Variants in SESN1 observed in about 807,000 individuals in gnomAD.
SESN1 encodes the protein sestrin 1.
SESN1 carries 30 observed loss-of-function variants against 59.3 expected under a neutral mutation model. The ratio of observed to expected loss-of-function variants is 0.51; its 90% CI spans 0.38 to 0.69. SESN1 has a LOEUF of 0.69. SESN1 is among the 30% of genes least tolerant of loss of function. The pLI, the probability that SESN1 is intolerant of heterozygous loss-of-function variation, is 0.00. For synonymous variants in SESN1, 197 were observed against 219.9 expected, an observed-to-expected ratio of 0.90 and a Z score of 0.92; for missense variants, 566 against 673.0, an observed-to-expected ratio of 0.84 and a Z score of 1.76.
At chr6:109,014,290 A>T (rs911345534) in intron 1 of SESN1, among the ~76,000 whole-genome samples, 2 of 152,258 alleles carry the variant, frequency 1.3e-5, no homozygotes, top group African/African-American at 4.8e-5. Context: ...TAATAAGACC[A>T]GTAATTTGTT....
chr6:109,011,623 A>T (rs569214817), intron 1 of SESN1, among the ~76,000 whole-genome samples: 22 of 149,018 alleles, frequency 1.5e-4, no homozygotes, highest in African/African-American at 5.0e-4. Flanking sequence ...TATTTTTAAA[A>T]TTTTTTTTCT....
rs759707049 is a variant in SESN1 at position 109,093,994 on chromosome 6, T to C, written c.80A>G (p.Asn27Ser). 4 of 1,614,166 alleles carry C rather than the reference T, an allele frequency of 2.5e-6. No homozygotes were observed. The East Asian group carries it at 8.9e-5, about 36-fold the overall frequency. ...DSTTRETALENIRQTILRKTE... is the reference protein window; with the variant it reads ...DSTTRETALESIRQTILRKTE... ...TTTCCTCAAAATGGTTTGCCTAATG[T>C]TTTCCAATGCTGTCTCCCTAGTAGT... The change falls in exon 1 of 10, where the codon AAC becomes AGC. Residue 27 changes from asparagine to serine, a missense_variant. Physicochemically the swap from Asn to Ser is conservative, Grantham distance 46. Coordinates refer to ENST00000436639, the MANE Select transcript of SESN1 (RefSeq NM_014454.3).
chr6:109,024,797 G>GT (rs1235398604), intron 1 of SESN1, among the ~76,000 whole-genome samples: 5 of 152,328 alleles, frequency 3.3e-5, no homozygotes, highest in African/African-American at 1.2e-4. Context: ...GCCCAGCATT[G>GT]TGAGTATCGT....
intron 1 of SESN1, among the ~76,000 whole-genome samples, chr6:109,069,862 C>T (rs954302344): frequency 3.3e-5 from 5 of 152,030 alleles, no homozygotes; most frequent in Admixed American, 2.6e-4. Context: ...CCAGCCTCCA[C>T]AAACTCTTAA....
chr6:109,018,528 G>A (rs974818145), intron 1 of SESN1, among the ~76,000 whole-genome samples: 3 of 152,128 alleles, frequency 2.0e-5, no homozygotes, highest in South Asian at 2.1e-4. Flanking sequence ...TGCTTGGTAC[G>A]TGCTCCTGAA....
chr6:109,058,148 G>A (rs918789275), intron 1 of SESN1, among the ~76,000 whole-genome samples: 5 of 151,926 alleles, frequency 3.3e-5, no homozygotes, highest in African/African-American at 7.3e-5. Flanking sequence ...GGAGTGGTAC[G>A]ATCACGGCTC....
At chr6:109,065,769 C>G (rs1562472573) in intron 1 of SESN1, among the ~76,000 whole-genome samples, 1 of 151,368 alleles carries the variant, frequency 6.6e-6, no homozygotes, top group Non-Finnish European at 1.5e-5. Context: ...TATTAAAATA[C>G]AAAAAAATTA....
chr6:109,021,942 T>C (rs1780017793), intron 1 of SESN1, among the ~76,000 whole-genome samples: 2 of 152,166 alleles, frequency 1.3e-5, no homozygotes, highest in Non-Finnish European at 2.9e-5. Context: ...ATACTATATC[T>C]AAAGGATTGG....
chr6:109,036,640 G>A (rs1780252829), intron 1 of SESN1, among the ~76,000 whole-genome samples: 1 of 152,104 alleles, frequency 6.6e-6, no homozygotes, highest in Admixed American at 6.5e-5. Context: ...TTTTTTTTAG[G>A]TTGTGGTTTT....
At chr6:109,039,460 T>A (rs1001208546) in intron 1 of SESN1, among the ~76,000 whole-genome samples, 5 of 152,328 alleles carry the variant, frequency 3.3e-5, no homozygotes, top group South Asian at 4.1e-4. Flanking sequence ...CAGTTCAAGA[T>A]GAGGTCCAAT....
intron 1 of SESN1, chr6:109,009,282 G>C (rs1040710097): frequency 9.3e-6 from 12 of 1,296,448 alleles, no homozygotes; most frequent in African/African-American, 6.2e-5. Context: ...CGTGACCTCC[G>C]TGTTGCACAG....
rs895762905 is a variant in SESN1 at position 109,020,506 on chromosome 6, A to G, written c.280-18163T>C. Among the ~76,000 whole-genome samples the G allele has an allele frequency of 2.0e-5, 3 of 152,346 alleles. No homozygotes were observed. In the South Asian group the frequency reaches 6.2e-4, roughly 32 times the overall value. On this transcript the variant is annotated intron_variant, in intron 1 of 9. Transcript: ENST00000436639. ...ATCCAAAAATATAAAATACTAGTAA[A>G]AACAACCATACCACAAATACAACTT...
chr6:109,069,389 A>G (rs925603245), intron 1 of SESN1, among the ~76,000 whole-genome samples: 2 of 152,202 alleles, frequency 1.3e-5, no homozygotes, highest in African/African-American at 4.8e-5. Context: ...TCTCATTATA[A>G]ACACCAGATG....
At chr6:109,093,246 C>T (rs1487784934) in intron 1 of SESN1, among the ~76,000 whole-genome samples, 1 of 152,104 alleles carries the variant, frequency 6.6e-6, no homozygotes, top group African/African-American at 2.4e-5. Context: ...CTATCAAATA[C>T]CCCACCTGGG....
intron 1 of SESN1, among the ~76,000 whole-genome samples, chr6:109,069,485 G>C (rs571308473): frequency 1.3e-5 from 2 of 152,030 alleles, no homozygotes; most frequent in Non-Finnish European, 2.9e-5. Flanking sequence ...CAAAATCTGA[G>C]GTAAAAGTAA....
intron 1 of SESN1, among the ~76,000 whole-genome samples, chr6:109,059,962 T>G (rs1780704246): frequency 6.6e-6 from 1 of 152,150 alleles, no homozygotes; most frequent in Non-Finnish European, 1.5e-5. Flanking sequence ...CACAGGGACT[T>G]CCCCTTTGCT....
chr6:109,019,198 C>A (rs1779971099), intron 1 of SESN1, among the ~76,000 whole-genome samples: 1 of 152,106 alleles, frequency 6.6e-6, no homozygotes, highest in Non-Finnish European at 1.5e-5. Flanking sequence ...TTTACACACA[C>A]ACACAAACAC....
chr6:108,985,936 TGA>T lies in SESN1; in HGVS notation c.*1606_*1607del, dbSNP rs1236777156. Reference sequence around the variant, plus strand: ...CTAAGGTTATAGTCTTGTCTTCTCATGAGAGTAAATATCCTTGAGGACAGGTA... The same window carrying T: ...CTAAGGTTATAGTCTTGTCTTCTCATGAGTAAATATCCTTGAGGACAGGTA... On this transcript the variant is annotated 3_prime_UTR_variant, in exon 10 of 10. Coordinates refer to ENST00000436639, the MANE Select transcript of SESN1 (RefSeq NM_014454.3). Among the ~76,000 whole-genome samples the T allele has an allele frequency of 1.3e-5, 2 of 152,218 alleles. No homozygotes were observed. The highest frequency in any genetic ancestry group is 4.8e-5 in the African/African-American group (2 of 41,462).
chr6:109,076,462 G>A (rs1048367992), intron 1 of SESN1, among the ~76,000 whole-genome samples: 6 of 152,116 alleles, frequency 3.9e-5, no homozygotes, highest in Admixed American at 6.6e-5. Flanking sequence ...TTTAAATTAC[G>A]AGGGTATTAC....
Sources: gnomAD v4.1 joint callset for allele counts (sites outside exome capture counted in the v4.1 genomes callset) on GRCh38, gnomAD v4.1.1 for gene constraint, MANE v1.5 for transcripts, NCBI Gene and HGNC (gene_info 2026-07-23, HGNC 2026-07-21) for gene names.